The following PARN variants were observed in gnomAD, a reference collection of about 807,000 sequenced individuals.
The protein encoded by PARN is poly(A)-specific ribonuclease PARN.
Under a neutral mutation model 102.8 loss-of-function variants are expected in PARN, and 71 were observed. The observed-to-expected ratio is 0.69, with a 90% confidence interval of 0.57 to 0.84. The LOEUF is 0.84. Among genes scored for constraint, PARN ranks in the 40% least tolerant of loss-of-function variants. The probability of loss-of-function intolerance (pLI) is 0.00; values close to 1 mark genes in which losing one functional copy is unlikely to be tolerated. For missense variants in PARN, 782 were observed against 760.9 expected (o/e 1.03, Z -0.33); for synonymous variants, 261 against 252.9 (o/e 1.03, Z -0.30).
intron 12 of PARN, among the ~76,000 whole-genome samples, chr16:14,596,959 G>A (rs1156967718): frequency 6.6e-6 from 1 of 151,790 alleles, no homozygotes; most frequent in African/African-American, 2.4e-5. Context: ...GCTAATTTTT[G>A]TATTTTCATT....
In PARN at chr16:14,627,063, C is replaced by T. The variant is rs779938050; in HGVS notation, c.327+43G>A. ...CTGATTTCACATTTCCATGCTGCCT[C>T]ATCAGCAATTCAGAAAAGAAAAATC... On this transcript the variant is annotated intron_variant, in intron 5 of 23. Transcript: ENST00000437198. 4.6e-6 allele frequency: 5 copies of T among 1,087,830 alleles called. No individual in the cohort carries two copies. In the Admixed American group the frequency reaches 5.8e-5, roughly 13 times the overall value. 67.4% of individuals were successfully genotyped at this position (1,087,830 alleles called of 1,614,324 possible).
chr16:14,500,534 T>C (rs1370653905), intron 21 of PARN, among the ~76,000 whole-genome samples: 2 of 152,138 alleles, frequency 1.3e-5, no homozygotes, highest in African/African-American at 4.8e-5. Context: ...GCCAGGGCTA[T>C]AGGCACGTGC....
At chr16:14,616,726 G>C (rs1460257018) in intron 6 of PARN, among the ~76,000 whole-genome samples, 1 of 152,018 alleles carries the variant, frequency 6.6e-6, no homozygotes, top group African/African-American at 2.4e-5. Context: ...CTGGGTGACA[G>C]AGTGGGACCC....
chr16:14,607,921 T>C (rs1971295964), intron 9 of PARN, among the ~76,000 whole-genome samples: 2 of 152,138 alleles, frequency 1.3e-5, no homozygotes, highest in South Asian at 4.1e-4. Flanking sequence ...CTGAAACCCA[T>C]CCATAGTCTC....
intron 5 of PARN, 82 bp downstream of exon 5, chr16:14,627,024 T>C: frequency 1.3e-5 from 11 of 826,170 alleles, no homozygotes; most frequent in East Asian, 5.3e-5. Flanking sequence ...CCAAAGTTAA[T>C]AGAGAACCAA....
intron 22 of PARN, among the ~76,000 whole-genome samples, chr16:14,461,705 T>C (rs1310156823): frequency 1.3e-5 from 2 of 152,240 alleles, no homozygotes; most frequent in Non-Finnish European, 2.9e-5. Flanking sequence ...TTCTTTATAA[T>C]TCTACTTGTT....
intron 22 of PARN, among the ~76,000 whole-genome samples, chr16:14,448,366 C>CT (rs1464261043): frequency 6.6e-6 from 1 of 152,218 alleles, no homozygotes; most frequent in Non-Finnish European, 1.5e-5. Flanking sequence ...CCAGGCTGGT[C>CT]TCGAACTCCT....
chr16:14,618,047 C>A (rs990274717), intron 5 of PARN, among the ~76,000 whole-genome samples: 8 of 152,246 alleles, frequency 5.3e-5, no homozygotes, highest in African/African-American at 1.9e-4. Flanking sequence ...GGTAGACCGG[C>A]ACAGTGGCTC....
intron 22 of PARN, among the ~76,000 whole-genome samples, chr16:14,473,099 A>T (rs1962840572): frequency 6.6e-6 from 1 of 152,220 alleles, no homozygotes; most frequent in South Asian, 2.1e-4. Context: ...TATAGTAGTA[A>T]TCAGGATACA....
intron 21 of PARN, among the ~76,000 whole-genome samples, chr16:14,500,686 G>C (rs1243959906): frequency 6.6e-6 from 1 of 152,158 alleles, no homozygotes; most frequent in Non-Finnish European, 1.5e-5. Flanking sequence ...TCATTTTAAA[G>C]CATGTCCAAT....
At chr16:14,557,403 A>G (rs1349403890) in intron 18 of PARN, among the ~76,000 whole-genome samples, 1 of 152,026 alleles carries the variant, frequency 6.6e-6, no homozygotes, top group Non-Finnish European at 1.5e-5. Context: ...CTAAAAATAC[A>G]AAAATTCGCT....
chr16:14,586,163 A>G (rs1969843938), intron 14 of PARN, among the ~76,000 whole-genome samples, 155 bp downstream of exon 14: 1 of 151,854 alleles, frequency 6.6e-6, no homozygotes, highest in Admixed American at 6.6e-5. Flanking sequence ...TTTTATAGAT[A>G]TGTGGTTTCA....
At chr16:14,523,573 G>C (rs570947300) in intron 21 of PARN, among the ~76,000 whole-genome samples, 1 of 152,198 alleles carries the variant, frequency 6.6e-6, no homozygotes, top group African/African-American at 2.4e-5. Flanking sequence ...AGTCAGAGAA[G>C]TCTATCCTCC....
chr16:14,630,193 A>G lies in PARN; in HGVS notation c.-68T>C. ...CCGCCTCAGCGGTTCTACTCGCCGA[A>G]TTCCGCGGCGACTGCGGCAGTAGCT... On this transcript the variant is annotated 5_prime_UTR_variant, in exon 1 of 24. Coordinates refer to ENST00000437198, the MANE Select transcript of PARN (RefSeq NM_002582.4). 1 of 1,422,688 alleles carries G rather than the reference A, an allele frequency of 7.0e-7. No individual in the cohort carries two copies. The highest frequency in any genetic ancestry group is 9.6e-7 in the Non-Finnish European group (1 of 1,039,366). 88.1% of individuals were successfully genotyped at this position (1,422,688 alleles called of 1,614,324 possible).
Position 14,446,900 on chromosome 16 carries a change from GCT to G in PARN, c.1850_1851del (p.Glu617AlafsTer17). 6.2e-7 allele frequency: 1 copy of G among 1,612,304 alleles called. No homozygotes were observed. The highest frequency in any genetic ancestry group is 8.5e-7 in the Non-Finnish European group (1 of 1,178,988). On this transcript the variant is annotated frameshift_variant, in exon 23 of 24. Transcript: ENST00000437198. LOFTEE classifies it high-confidence loss of function. Reference protein sequence around the residue: ...KAKKLKRMKKELSPAGSISKN... With the variant: ...KAKKLKRMKKXLSPAGSISKN... Reference sequence around the variant, plus strand: ...ATCCAATACAAACCTGCTGGAGAAAGCTCCTTCTTCATTCTTTTTAATTTCTT... The same window carrying G: ...ATCCAATACAAACCTGCTGGAGAAAGCCTTCTTCATTCTTTTTAATTTCTT...
chr16:14,619,071 C>A (rs563351728), intron 5 of PARN, among the ~76,000 whole-genome samples: 2 of 151,916 alleles, frequency 1.3e-5, no homozygotes, highest in South Asian at 4.2e-4. Context: ...TAGCACATGC[C>A]TGCAGTCCCA....
At position 14,554,059 on chromosome 16, in the gene PARN, A is replaced by T; in HGVS notation, c.1405+6T>A. 1 of 1,599,840 alleles carries T rather than the reference A, an allele frequency of 6.3e-7. No individual in the cohort carries two copies. The highest frequency in any genetic ancestry group is 1.1e-5 in the South Asian group (1 of 89,368). On this transcript the variant is annotated splice_donor_region_variant and intron_variant, in intron 20 of 23. Transcript: ENST00000437198. Reference sequence around the variant, plus strand: ...CCTAAAAAGTACATCTGAACTTGCGACTTACCAAAGGCACTGAAAAGCTGG... The same window carrying T: ...CCTAAAAAGTACATCTGAACTTGCGTCTTACCAAAGGCACTGAAAAGCTGG...
chr16:14,507,589 TGAG>T (rs1035006390), intron 21 of PARN, among the ~76,000 whole-genome samples: 12 of 151,876 alleles, frequency 7.9e-5, no homozygotes, highest in South Asian at 6.2e-4. Flanking sequence ...CTCGGGAGGC[TGAG>T]GCGCAAGAAT....
At chr16:14,456,788 T>C (rs776723283) in intron 22 of PARN, among the ~76,000 whole-genome samples, 24 of 152,190 alleles carry the variant, frequency 1.6e-4, no homozygotes, top group Non-Finnish European at 3.4e-4. Flanking sequence ...CTCTCCTCAC[T>C]GTGCCGGTCT....
Sources: gnomAD v4.1 joint callset for allele counts (sites outside exome capture counted in the v4.1 genomes callset) on GRCh38, gnomAD v4.1.1 for gene constraint, MANE v1.5 for transcripts, NCBI Gene and HGNC (gene_info 2026-07-23, HGNC 2026-07-21) for gene names.